TMEFF1: variants seen among roughly 807,000 people sequenced by gnomAD.
TMEFF1 encodes tomoregulin-1.
A neutral mutation model predicts 47.5 loss-of-function variants in TMEFF1; 20 were observed. The ratio of observed to expected loss-of-function variants is 0.42; its 90% CI spans 0.30 to 0.61. The LOEUF (loss-of-function observed/expected upper bound fraction) is 0.61, where lower values mean the gene tolerates loss of function less well. Among genes scored for constraint, TMEFF1 ranks in the 20% least tolerant of loss-of-function variants. The probability of loss-of-function intolerance (pLI) is 0.19; values close to 1 mark genes in which losing one functional copy is unlikely to be tolerated. For missense variants in TMEFF1, 411 were observed against 471.1 expected (o/e 0.87, Z 1.18); for synonymous variants, 162 against 166.3 (o/e 0.97, Z 0.20).
intron 5 of TMEFF1, among the ~76,000 whole-genome samples, chr9:100,542,557 A>AGC (rs1289156630): frequency 1.3e-5 from 2 of 152,230 alleles, no homozygotes; most frequent in East Asian, 3.8e-4. Flanking sequence ...GTTCTACCTT[A>AGC]GCGCATAGCA....
At chr9:100,499,002 C>CT in intron 2 of TMEFF1, 128 bp downstream of exon 2, 1 of 899,658 alleles carries the variant, frequency 1.1e-6, no homozygotes. Context: ...CCCCTCAGTT[C>CT]TTTTTTGTCA....
At chr9:100,554,205 G>A (rs1206075984) in intron 7 of TMEFF1, among the ~76,000 whole-genome samples, 1 of 152,162 alleles carries the variant, frequency 6.6e-6, no homozygotes, top group African/African-American at 2.4e-5. Flanking sequence ...ACTGGTGACT[G>A]TTTAGATATT....
chr9:100,567,411 C>T (rs1839145557), intron 8 of TMEFF1, among the ~76,000 whole-genome samples: 1 of 152,170 alleles, frequency 6.6e-6, no homozygotes, highest in South Asian at 2.1e-4. Context: ...CGCAGTTTCC[C>T]TTAACACCTC....
chr9:100,555,740 G>A (rs1009368384), intron 7 of TMEFF1, among the ~76,000 whole-genome samples: 17 of 152,096 alleles, frequency 1.1e-4, no homozygotes, highest in African/African-American at 4.1e-4. Flanking sequence ...CTCACCATTG[G>A]TGAGATAGTT....
rs1040342938 is a variant in TMEFF1 at position 100,473,356 on chromosome 9, T to G, written c.-189T>G. The G allele has an allele frequency of 7.4e-3, 2,332 of 315,170 alleles. 10 individuals are homozygous for G. The highest frequency in any genetic ancestry group is 8.9e-3 in the Non-Finnish European group (1,687 of 188,882). The allele number at this position is 315,170 out of a possible 1,614,324, so 19.5% of individuals were successfully genotyped here. A position where few individuals can be genotyped will look rare whatever the true frequency, so the allele number is the denominator to read the frequency against. On this transcript the variant is annotated 5_prime_UTR_variant, in exon 1 of 10. Coordinates refer to ENST00000374879, the MANE Select transcript of TMEFF1 (RefSeq NM_003692.5). The surrounding 1 kb of genome is among the most constrained non-coding windows in gnomAD (Gnocchi z 5.4). Reference sequence around the variant, plus strand: ...CTCGCACGCGCCCGGACCCGCCGACTCCGTCCCGAGCGCCGCGGGCCCGGG... The same window carrying G: ...CTCGCACGCGCCCGGACCCGCCGACGCCGTCCCGAGCGCCGCGGGCCCGGG...
intron 8 of TMEFF1, among the ~76,000 whole-genome samples, chr9:100,565,344 C>T (rs968962248): frequency 2.0e-5 from 3 of 152,148 alleles, no homozygotes; most frequent in Non-Finnish European, 2.9e-5. Flanking sequence ...GTTCCCTTTG[C>T]ATTTGAATCC....
intron 5 of TMEFF1, among the ~76,000 whole-genome samples, chr9:100,534,963 A>T (rs980441675): frequency 1.3e-5 from 2 of 152,138 alleles, no homozygotes; most frequent in African/African-American, 2.4e-5. Context: ...AAAGGGCTAG[A>T]TGGTAAATAT....
chr9:100,571,308 C>A (rs556911447), intron 8 of TMEFF1, among the ~76,000 whole-genome samples: 3 of 152,242 alleles, frequency 2.0e-5, no homozygotes, highest in Admixed American at 6.5e-5. Flanking sequence ...ATGTTTACCA[C>A]ATCTAATTTA....
At chr9:100,514,412 T>A (rs1188008758) in intron 4 of TMEFF1, among the ~76,000 whole-genome samples, 2 of 151,872 alleles carry the variant, frequency 1.3e-5, no homozygotes, top group Non-Finnish European at 2.9e-5. Context: ...AAGGATCAGA[T>A]AATAAATTCC....
intron 1 of TMEFF1, among the ~76,000 whole-genome samples, chr9:100,497,320 C>CTTTTTTTTTTGTT (rs1837668604): frequency 1.7e-5 from 1 of 59,526 alleles, no homozygotes; most frequent in Non-Finnish European, 3.1e-5. Flanking sequence ...CCACTCATGT[C>CTTTTTTTTTTGTT]TTTTTTTTTT....
At chr9:100,542,874 C>G (rs911813773) in intron 5 of TMEFF1, among the ~76,000 whole-genome samples, 1 of 149,808 alleles carries the variant, frequency 6.7e-6, no homozygotes, top group Admixed American at 6.6e-5. Context: ...TCCTGGAATG[C>G]TAATGAGATT....
At chr9:100,479,971 T>C (rs1837309145) in intron 1 of TMEFF1, among the ~76,000 whole-genome samples, 1 of 152,234 alleles carries the variant, frequency 6.6e-6, no homozygotes, top group Non-Finnish European at 1.5e-5. Context: ...CTGCACCATT[T>C]TACATTTCTA....
Position 100,543,320 on chromosome 9 carries a change from C to T in TMEFF1, c.561-4424C>T, listed in dbSNP as rs73655589. On this transcript the variant is annotated intron_variant, in intron 5 of 9. Coordinates refer to ENST00000374879, the MANE Select transcript of TMEFF1 (RefSeq NM_003692.5). ...CCTGTCTTCTAATTCACTAATTCTC[C>T]TTTAGCTTCTCTAATCAGCTGTTAA... Among the ~76,000 whole-genome samples the T allele has an allele frequency of 6.5e-3, 987 of 152,250 alleles. 7 individuals carry two copies. The highest frequency in any genetic ancestry group is 0.023 in the African/African-American group (950 of 41,556).
At chr9:100,567,976 A>G (rs1839156850) in intron 8 of TMEFF1, among the ~76,000 whole-genome samples, 1 of 152,178 alleles carries the variant, frequency 6.6e-6, no homozygotes, top group Admixed American at 6.5e-5. Flanking sequence ...TTTTAAAACC[A>G]TCAGATCTCG....
intron 5 of TMEFF1, among the ~76,000 whole-genome samples, chr9:100,540,858 T>A (rs1049538082): frequency 6.6e-6 from 1 of 151,986 alleles, no homozygotes; most frequent in Non-Finnish European, 1.5e-5. Flanking sequence ...GTTGTTCTTA[T>A]ATGTTTCCTC....
At chr9:100,497,477 C>CAGT (rs1369974816) in intron 1 of TMEFF1, among the ~76,000 whole-genome samples, 1 of 151,932 alleles carries the variant, frequency 6.6e-6, no homozygotes, top group African/African-American at 2.4e-5. Context: ...TGCCCTTGTG[C>CAGT]AGTACTTAGT....
chr9:100,480,306 T>G (rs1022102917), intron 1 of TMEFF1, among the ~76,000 whole-genome samples: 2 of 152,194 alleles, frequency 1.3e-5, no homozygotes, highest in African/African-American at 2.4e-5. Context: ...CTCTCGTTTG[T>G]CATTTGATTT....
intron 5 of TMEFF1, among the ~76,000 whole-genome samples, chr9:100,519,597 G>A (rs369797148): frequency 3.4e-5 from 5 of 149,022 alleles, no homozygotes; most frequent in Non-Finnish European, 5.9e-5. Context: ...AAAAATTCCC[G>A]GAAGGAATGT....
intron 9 of TMEFF1, among the ~76,000 whole-genome samples, chr9:100,573,226 C>T (rs951868): frequency 0.5 from 76,387 of 151,876 alleles, 20,368 homozygotes; most frequent in Non-Finnish European, 0.59. Flanking sequence ...GCCCTAAGAA[C>T]GTACTTTACT....
Sources: gnomAD v4.1 joint callset for allele counts (sites outside exome capture counted in the v4.1 genomes callset) on GRCh38, gnomAD v4.1.1 for gene constraint, Gnocchi (gnomAD v3.1) non-coding constraint, MANE v1.5 for transcripts, NCBI Gene and HGNC (gene_info 2026-07-23, HGNC 2026-07-21) for gene names.